ATP8A1: variants seen among roughly 807,000 people sequenced by gnomAD.
The protein encoded by ATP8A1 is phospholipid-transporting ATPase IA.
A neutral mutation model predicts 177.7 loss-of-function variants in ATP8A1; 90 were observed. That is an observed-to-expected ratio of 0.51 (90% confidence interval 0.43 to 0.60). The LOEUF is 0.60. ATP8A1 is among the 20% of genes least tolerant of loss of function. The probability of loss-of-function intolerance (pLI) is 0.00; values close to 1 mark genes in which losing one functional copy is unlikely to be tolerated. For synonymous variants in ATP8A1, 493 were observed against 485.9 expected (o/e 1.01, Z -0.19); for missense variants, 1,072 against 1,392.8 (o/e 0.77, Z 3.67).
Position 42,551,866 on chromosome 4 carries a change from A to G in ATP8A1, c.1520-586T>C, listed in dbSNP as rs372614868. Among the ~76,000 whole-genome samples, 33 of 152,316 alleles carry G rather than the reference A, an allele frequency of 2.2e-4. No individual in the cohort carries two copies. The East Asian group carries it at 6.0e-3, about 28-fold the overall frequency. ...GCTTTTAAGGAAGTTAGTATATCCTATAAGTCACAGATGCTGGCTTAGAAT... is the reference window on the plus strand; with the variant it reads ...GCTTTTAAGGAAGTTAGTATATCCTGTAAGTCACAGATGCTGGCTTAGAAT... On this transcript the variant is annotated intron_variant, in intron 17 of 36. Transcript: ENST00000381668.
At chr4:42,494,316 T>C (rs1184138550) in intron 24 of ATP8A1, among the ~76,000 whole-genome samples, 1 of 151,618 alleles carries the variant, frequency 6.6e-6, no homozygotes, top group East Asian at 1.9e-4. Flanking sequence ...GTACTAAAAA[T>C]ACAAAAATTA....
chr4:42,458,710 C>T (rs1187843383), intron 27 of ATP8A1, among the ~76,000 whole-genome samples: 3 of 152,208 alleles, frequency 2.0e-5, no homozygotes, highest in African/African-American at 7.2e-5. Context: ...CTATAAAACA[C>T]ATAGTGTTCA....
intron 35 of ATP8A1, among the ~76,000 whole-genome samples, chr4:42,421,230 A>T (rs1713888340): frequency 6.6e-6 from 1 of 152,150 alleles, no homozygotes; most frequent in Non-Finnish European, 1.5e-5. Context: ...ACAACCCTGA[A>T]AGTAGGTATT....
chr4:42,568,618 A>G (rs1168868718), intron 15 of ATP8A1, among the ~76,000 whole-genome samples: 2 of 152,250 alleles, frequency 1.3e-5, no homozygotes, highest in Admixed American at 6.5e-5. Context: ...AAAATTAAAT[A>G]TACTAAAGTT....
chr4:42,524,594 A>C (rs922541302), intron 21 of ATP8A1, among the ~76,000 whole-genome samples, 169 bp downstream of exon 21: 30 of 152,196 alleles, frequency 2.0e-4, no homozygotes, highest in African/African-American at 6.5e-4. Flanking sequence ...TTAGGAAAGT[A>C]AAATAAAAAC....
At chr4:42,532,519 T>G (rs543816354) in intron 20 of ATP8A1, among the ~76,000 whole-genome samples, 1 of 151,418 alleles carries the variant, frequency 6.6e-6, no homozygotes, top group Admixed American at 6.6e-5. Flanking sequence ...ACAAAAAAAA[T>G]AGAAAACATC....
chr4:42,493,768 T>C (rs1722963960), intron 24 of ATP8A1, among the ~76,000 whole-genome samples: 1 of 152,174 alleles, frequency 6.6e-6, no homozygotes, highest in South Asian at 2.1e-4. Flanking sequence ...TTACTATCTA[T>C]TTTGTAGAGA....
intron 33 of ATP8A1, among the ~76,000 whole-genome samples, chr4:42,438,966 G>T (rs1466738119): frequency 2.0e-5 from 3 of 152,124 alleles, no homozygotes; most frequent in Non-Finnish European, 4.4e-5. Context: ...CCCCAACTTA[G>T]GGAGCAAGGA....
At chr4:42,537,386 T>C (rs1032767074) in intron 20 of ATP8A1, among the ~76,000 whole-genome samples, 8 of 151,744 alleles carry the variant, frequency 5.3e-5, no homozygotes, top group African/African-American at 1.7e-4. Flanking sequence ...TTCACCACTT[T>C]TATTCAACAT....
intron 5 of ATP8A1, among the ~76,000 whole-genome samples, chr4:42,609,322 G>C (rs1736138671): frequency 6.6e-6 from 1 of 152,172 alleles, no homozygotes; most frequent in South Asian, 2.1e-4. Context: ...TGCCAAATTT[G>C]AGAACCAATG....
intron 32 of ATP8A1, 37 bp downstream of exon 32, chr4:42,444,541 T>C (rs760646723): frequency 3.2e-6 from 5 of 1,585,470 alleles, no homozygotes; most frequent in Non-Finnish European, 3.5e-6. Context: ...CACAAGTAAA[T>C]GTGACATTTC....
chr4:42,517,500 G>GTC (rs2153197143), intron 22 of ATP8A1, among the ~76,000 whole-genome samples: 1 of 152,276 alleles, frequency 6.6e-6, no homozygotes, highest in East Asian at 1.9e-4. Flanking sequence ...AGGTGTTACT[G>GTC]TCCACAATGC....
intron 22 of ATP8A1, among the ~76,000 whole-genome samples, chr4:42,515,445 T>C (rs1725433587): frequency 6.6e-6 from 1 of 152,242 alleles, no homozygotes; most frequent in African/African-American, 2.4e-5. Context: ...CTAGGAATCC[T>C]CTAAACCATT....
intron 14 of ATP8A1, among the ~76,000 whole-genome samples, chr4:42,571,158 A>C (rs964936466): frequency 1.3e-5 from 2 of 152,200 alleles, no homozygotes; most frequent in African/African-American, 4.8e-5. Context: ...CTTGGGGGAT[A>C]GTATTATGAT....
In ATP8A1 at chr4:42,524,834, T is replaced by C. The variant is rs754256637; in HGVS notation, c.1736A>G (p.Tyr579Cys). Residue 579 changes from tyrosine (Y) to cysteine (C), a missense_variant, in exon 21 of 37, where the codon TAT (tyrosine) becomes TGT (cysteine). This residue lies in a region of ATP8A1 where 388 missense variants were observed against 471.7 expected (regional missense o/e 0.82). Transcript: ENST00000381668. Reference sequence around the variant, plus strand: ...TTTTGACGTCTCTGCCAGTCGATCATAAATTACAGTGTCCTGGAAAACAAA... The same window carrying C: ...TTTTGACGTCTCTGCCAGTCGATCACAAATTACAGTGTCCTGGAAAACAAA... ...LYCKGADTVI[Y>C]DRLAETSKYK... 5.0e-6 allele frequency: 8 copies of C among 1,607,864 alleles called. No homozygotes were observed. The highest frequency in any genetic ancestry group is 1.1e-5 in the South Asian group (1 of 90,462).
chr4:42,444,089 T>TA (rs1169919001), intron 32 of ATP8A1, among the ~76,000 whole-genome samples: 1 of 152,202 alleles, frequency 6.6e-6, no homozygotes, highest in Admixed American at 6.5e-5. Context: ...ACATGAAACT[T>TA]TAATGTCTTT....
At chr4:42,446,098 A>AAAAAAAAAAAAAAAAAAAG (rs1553874360) in intron 31 of ATP8A1, among the ~76,000 whole-genome samples, 1 of 146,898 alleles carries the variant, frequency 6.8e-6, no homozygotes, top group African/African-American at 2.5e-5. Flanking sequence ...AAAAAAAAAA[A>AAAAAAAAAAAAAAAAAAAG]AGAGAAGAGA....
At chr4:42,636,087 G>C (rs568376069) in intron 1 of ATP8A1, among the ~76,000 whole-genome samples, 1 of 126,494 alleles carries the variant, frequency 7.9e-6, no homozygotes, top group South Asian at 2.8e-4. Context: ...TGGGGGAAGG[G>C]GGAGTTCTCC....
At chr4:42,544,392 C>T (rs984908914) in intron 19 of ATP8A1, among the ~76,000 whole-genome samples, 3 of 152,106 alleles carry the variant, frequency 2.0e-5, no homozygotes, top group African/African-American at 7.2e-5. Context: ...ATTAAAAATA[C>T]AAATGACAAT....
Sources: gnomAD v4.1 joint callset for allele counts (sites outside exome capture counted in the v4.1 genomes callset) on GRCh38, gnomAD v4.1.1 for gene constraint, gnomAD v4.1.1 regional missense constraint, MANE v1.5 for transcripts, NCBI Gene and HGNC (gene_info 2026-07-23, HGNC 2026-07-21) for gene names.